Variants in SPATA9 observed in about 807,000 individuals in gnomAD.
The protein encoded by SPATA9 is spermatogenesis associated 9.
A neutral mutation model predicts 25.5 loss-of-function variants in SPATA9; 27 were observed. The ratio of observed to expected loss-of-function variants is 1.06; its 90% CI spans 0.78 to 1.46. The LOEUF is 1.46. SPATA9 is among the 40% of genes most tolerant of loss of function. The probability of loss-of-function intolerance (pLI) is 0.00; values close to 1 mark genes in which losing one functional copy is unlikely to be tolerated. For synonymous variants in SPATA9, 102 were observed against 105.7 expected (o/e 0.97, Z 0.21); for missense variants, 282 against 297.5 (o/e 0.95, Z 0.38).
chr5:95,708,839 T>C, the SPATA9 span: 1 of 545,878 alleles, frequency 1.8e-6, no homozygotes, highest in Admixed American at 3.1e-5. Flanking sequence ...ACACGTCCTG[T>C]TGTGAAAGAG....
the SPATA9 span, among the ~76,000 whole-genome samples, chr5:95,710,448 A>C: frequency 6.6e-6 from 1 of 152,204 alleles, no homozygotes; most frequent in Admixed American, 6.5e-5. Context: ...TTTGGCCCAG[A>C]GTTAACTTAT....
downstream of SPATA9, chr5:95,655,923 A>G: frequency 1.3e-6 from 1 of 799,338 alleles, no homozygotes; most frequent in Non-Finnish European, 2.0e-6. Context: ...TAATTTGTAC[A>G]TAGGAGGAAA....
exon 9 of SPATA9, chr5:95,653,124 T>C (rs1344637515): frequency 6.4e-7 from 1 of 1,551,718 alleles, no homozygotes; most frequent in Non-Finnish European, 8.7e-7. Context: ...CAGTATGGAA[T>C]TCTCTTCCCC....
At chr5:95,689,486 T>C (rs1486708680) in intron 1 of SPATA9, among the ~76,000 whole-genome samples, 1 of 152,188 alleles carries the variant, frequency 6.6e-6, no homozygotes, top group East Asian at 1.9e-4. Context: ...ATTGGTTATA[T>C]AATAACACCT....
At chr5:95,728,823 AG>A in the SPATA9 span, among the ~76,000 whole-genome samples, 96 of 152,336 alleles carry the variant, frequency 6.3e-4, no homozygotes, top group Non-Finnish European at 5.0e-4. Flanking sequence ...CTGATAAAAC[AG>A]AATGCCGTAA....
chr5:95,663,026 C>CA (rs1751414774), intron 4 of SPATA9, among the ~76,000 whole-genome samples: 1 of 152,174 alleles, frequency 6.6e-6, no homozygotes, highest in Admixed American at 6.5e-5. Flanking sequence ...GGTATCAGCA[C>CA]ATGCATACCT....
chr5:95,655,947 A>G, downstream of SPATA9: 1 of 1,099,794 alleles, frequency 9.1e-7, no homozygotes. Flanking sequence ...AGAAAAGCTA[A>G]CCTGTTTTTT....
chr5:95,662,297 T>G (rs1386629596), intron 4 of SPATA9, among the ~76,000 whole-genome samples: 1 of 152,196 alleles, frequency 6.6e-6, no homozygotes, highest in Non-Finnish European at 1.5e-5. Flanking sequence ...CTAACAAAGC[T>G]TCTAGAATAC....
At chr5:95,662,302 G>C (rs1751340726) in intron 4 of SPATA9, among the ~76,000 whole-genome samples, 1 of 152,080 alleles carries the variant, frequency 6.6e-6, no homozygotes, top group Non-Finnish European at 1.5e-5. Flanking sequence ...AAAGCTTCTA[G>C]AATACAACAG....
At chr5:95,652,222 C>T (rs938369279), downstream of SPATA9, 1 of 1,524,114 alleles carries the variant, frequency 6.6e-7, no homozygotes, top group Non-Finnish European at 8.9e-7. Flanking sequence ...ATAGATTGGA[C>T]ACTCTACTGA....
intron 1 of SPATA9, chr5:95,698,445 C>G (rs2112714266): frequency 6.6e-6 from 1 of 152,320 alleles, no homozygotes; most frequent in South Asian, 2.1e-4. Flanking sequence ...CGCTCAGGGA[C>G]TAGATTGTTA....
chr5:95,671,493 C>G (rs1329318630), intron 3 of SPATA9, among the ~76,000 whole-genome samples: 1 of 152,184 alleles, frequency 6.6e-6, no homozygotes. Flanking sequence ...TCACTGCAAC[C>G]TCGCCTCCAG....
chr5:95,683,825 C>A (rs1207556705), upstream of SPATA9, among the ~76,000 whole-genome samples: 2 of 152,158 alleles, frequency 1.3e-5, no homozygotes, highest in Non-Finnish European at 2.9e-5. Context: ...ATGTGAGCCA[C>A]CACGCCCGGC....
At position 95,666,521 on chromosome 5, in the gene SPATA9, G is replaced by C. The variant is rs188317530; in HGVS notation, c.379-2473C>G. Among the ~76,000 whole-genome samples the C allele has an allele frequency of 5.3e-5, 8 of 152,252 alleles. 1 individual carries two copies. Among genetic ancestry groups the C allele is most frequent in the African/African-American group, 1.9e-4 (8 of 41,544 alleles). On this transcript the variant is annotated intron_variant, in intron 3 of 4. Transcript: ENST00000274432. ...AATTTTTAGTAAAATGTCTGTGCAT[G>C]GGTAGTATTAAGGGACATTAATAGT...
At chr5:95,715,280 T>C in the SPATA9 span, among the ~76,000 whole-genome samples, 2 of 148,402 alleles carry the variant, frequency 1.3e-5, no homozygotes, top group Non-Finnish European at 3.0e-5. Flanking sequence ...GCTGAGATCA[T>C]GCCACTGCAC....
chr5:95,686,940 A>T (rs914657461), upstream of SPATA9, among the ~76,000 whole-genome samples: 1 of 152,210 alleles, frequency 6.6e-6, no homozygotes, highest in Non-Finnish European at 1.5e-5. Context: ...CAGCTAGGGT[A>T]TTCCTTTCAC....
At position 95,658,921 on chromosome 5, in the gene SPATA9, A is replaced by C; in HGVS notation, c.475-8T>G. The C allele has an allele frequency of 6.4e-7, 1 of 1,574,438 alleles. No homozygotes were observed. The highest frequency in any genetic ancestry group is 8.6e-7 in the Non-Finnish European group (1 of 1,164,516). On this transcript the variant is annotated splice_region_variant and splice_polypyrimidine_tract_variant and intron_variant, in intron 4 of 4. Coordinates refer to ENST00000274432, the MANE Select transcript of SPATA9 (RefSeq NM_031952.4). ...AGCATTAACACAGACTGCCTATACAATAAAAAGAGTTTGTAAAGTGAAGTT... is the reference window on the plus strand; with the variant it reads ...AGCATTAACACAGACTGCCTATACACTAAAAAGAGTTTGTAAAGTGAAGTT...
chr5:95,670,161 C>A (rs763776702), intron 3 of SPATA9, among the ~76,000 whole-genome samples: 24 of 152,176 alleles, frequency 1.6e-4, no homozygotes, highest in Non-Finnish European at 3.2e-4. Flanking sequence ...TAGAGCTGAA[C>A]ATCCAATCAG....
downstream of SPATA9, chr5:95,652,842 C>T: frequency 2.5e-6 from 1 of 397,496 alleles, no homozygotes; most frequent in Non-Finnish European, 4.4e-6. Flanking sequence ...TTTCATGGAC[C>T]CCTAGCTTTC....
Sources: gnomAD v4.1 joint callset for allele counts (sites outside exome capture counted in the v4.1 genomes callset) on GRCh38, gnomAD v4.1.1 for gene constraint, MANE v1.5 for transcripts, NCBI Gene and HGNC (gene_info 2026-07-23, HGNC 2026-07-21) for gene names.